Variants in NUMA1 observed in about 807,000 individuals in gnomAD.
NUMA1 encodes the protein nuclear mitotic apparatus protein 1.
NUMA1 carries 62 observed loss-of-function variants against 237.1 expected under a neutral mutation model. That is an observed-to-expected ratio of 0.26 (90% CI 0.21 to 0.32). The LOEUF (loss-of-function observed/expected upper bound fraction) is 0.32, where lower values mean the gene tolerates loss of function less well. Ranked by LOEUF, NUMA1 falls within the 10% of genes least tolerant of loss-of-function variation. The pLI, the probability that NUMA1 is intolerant of heterozygous loss-of-function variation, is 1.00. For synonymous variants in NUMA1, 1,028 were observed against 1,066.1 expected (o/e 0.96, Z 0.70); for missense variants, 2,533 against 2,666.5 (o/e 0.95, Z 1.10).
At chr11:72,066,435 T>G (rs1943203172) in intron 2 of NUMA1, 1 of 152,226 alleles carries the variant, frequency 6.6e-6, no homozygotes, top group African/African-American at 2.4e-5. Context: ...CTTAAGGTTC[T>G]CTAAGATCCA....
At chr11:72,061,141 G>A (rs1942916155) in intron 2 of NUMA1, among the ~76,000 whole-genome samples, 1 of 152,224 alleles carries the variant, frequency 6.6e-6, no homozygotes, top group Non-Finnish European at 1.5e-5. Flanking sequence ...GGAGGCTGAG[G>A]CAGGAGGACC....
chr11:72,051,410 C>A (rs1942353664), intron 2 of NUMA1, among the ~76,000 whole-genome samples: 2 of 151,892 alleles, frequency 1.3e-5, no homozygotes, highest in South Asian at 4.1e-4. Flanking sequence ...GAAATTTAAT[C>A]AGGGATATTC....
intron 9 of NUMA1, 68 bp downstream of exon 9, chr11:72,019,426 G>A (rs888525075): frequency 2.8e-5 from 45 of 1,580,440 alleles, no homozygotes; most frequent in Non-Finnish European, 3.7e-5. Context: ...CTTAACTCTA[G>A]AAGTTAGGAA....
At chr11:72,022,573 G>A (rs1230352215) in intron 6 of NUMA1, among the ~76,000 whole-genome samples, 154 bp from the exon 7 acceptor site, 6 of 116,144 alleles carry the variant, frequency 5.2e-5, no homozygotes, top group Non-Finnish European at 1.1e-4. Flanking sequence ...AACAGCTCCA[G>A]GAAACACTTT....
intron 2 of NUMA1, chr11:72,068,000 C>G (rs141346901): frequency 2.0e-5 from 3 of 152,232 alleles, no homozygotes; most frequent in African/African-American, 7.2e-5. Flanking sequence ...TTTTTCAAAC[C>G]CACAACTGCT....
Position 72,023,145 on chromosome 11 carries a change from T to C in NUMA1, c.211A>G (p.Asn71Asp). The change falls in exon 6 of 27, where the codon AAT (asparagine) becomes GAT (aspartate). Residue 71 changes from asparagine to aspartate, a missense_variant and splice_region_variant. Asn to Asp is a conservative substitution (Grantham distance 23). This residue lies in a region of NUMA1 where 1,414 missense variants were observed against 1,508.1 expected (regional missense o/e 0.94). Coordinates refer to ENST00000393695, the MANE Select transcript of NUMA1 (RefSeq NM_006185.4). ...LDFVCSFLQK[N>D]RKHPSSPECL... ...TCTGGGGAAGAGGGATGTTTTCGATTTTCTGCAATGACAACAACGTAGAAA... is the reference window on the plus strand; with the variant it reads ...TCTGGGGAAGAGGGATGTTTTCGATCTTCTGCAATGACAACAACGTAGAAA... The C allele has an allele frequency of 1.2e-6, 2 of 1,612,106 alleles. No individual in the cohort carries two copies. Among genetic ancestry groups the C allele is most frequent in the Non-Finnish European group, 1.7e-6 (2 of 1,178,504 alleles).
chr11:72,075,062 T>A (rs1029410812), intron 1 of NUMA1, among the ~76,000 whole-genome samples: 3 of 149,480 alleles, frequency 2.0e-5, no homozygotes, highest in African/African-American at 7.4e-5. Flanking sequence ...AATAAATAAA[T>A]AAAATAAAAA....
At chr11:72,075,650 A>C (rs1456145453) in intron 1 of NUMA1, among the ~76,000 whole-genome samples, 1 of 152,156 alleles carries the variant, frequency 6.6e-6, no homozygotes, top group East Asian at 1.9e-4. Context: ...TTATGCAGTT[A>C]TTATATTGAA....
At chr11:72,022,263 G>C in intron 7 of NUMA1, 76 bp downstream of exon 7, 2 of 932,630 alleles carry the variant, frequency 2.1e-6, no homozygotes, top group Non-Finnish European at 1.7e-6. Flanking sequence ...AGTATCTGCT[G>C]TTCAAAGAAA....
intron 20 of NUMA1, 114 bp downstream of exon 20, chr11:72,008,574 T>G: frequency 1.6e-6 from 2 of 1,276,634 alleles, no homozygotes; most frequent in Non-Finnish European, 2.3e-6. Context: ...CCGTTTTTCG[T>G]TATTCTTCTC....
Position 72,049,557 on chromosome 11 carries a change from A to AT in NUMA1, c.-32-13583_-32-13582insA, listed in dbSNP as rs57982819. On this transcript the variant is annotated intron_variant, in intron 2 of 26. Coordinates refer to ENST00000393695, the MANE Select transcript of NUMA1 (RefSeq NM_006185.4). ...GAACCTGTCTAAAAAAAAAAATAAT[A>AT]ATAATATATATATATATATATATAT... The AT allele has an allele frequency of 1.4e-3, 32 of 23,516 alleles. 1 individual carries two copies. Among genetic ancestry groups the AT allele is most frequent in the South Asian group, 7.0e-3 (6 of 862 alleles). 1.5% of individuals were successfully genotyped at this position (23,516 alleles called of 1,614,324 possible).
In NUMA1 at chr11:72,004,672, G is replaced by A. The variant is rs749336359; in HGVS notation, c.5974C>T (p.Leu1992=). 6.2e-7 allele frequency: 1 copy of A among 1,613,234 alleles called. No individual in the cohort carries two copies. The highest frequency in any genetic ancestry group is 1.3e-5 in the African/African-American group (1 of 75,004). Residue 1992 remains leucine (L), a synonymous_variant, in exon 24 of 27, where the codon CTA becomes TTA. Transcript: ENST00000393695. The part of the protein sequence containing the change: ...TTRQQRKRVS[L]EPHQGPGTPE... ...GTTCCAGGGCCCTGGTGGGGCTCTA[G>A]GGAGACCCGTTTGCGCTGCTGCCGG...
intron 3 of NUMA1, among the ~76,000 whole-genome samples, chr11:72,033,975 G>A (rs1302499574): frequency 6.6e-6 from 1 of 152,080 alleles, no homozygotes; most frequent in Non-Finnish European, 1.5e-5. Context: ...TTTAAAATTA[G>A]CATGGCATGT....
At chr11:72,023,773 G>A (rs1565233380) in intron 5 of NUMA1, among the ~76,000 whole-genome samples, 4 of 152,098 alleles carry the variant, frequency 2.6e-5, no homozygotes, top group East Asian at 3.9e-4. Context: ...TCCACTTGAA[G>A]AGCAGTTATC....
At chr11:72,057,224 T>C (rs914865431) in intron 2 of NUMA1, among the ~76,000 whole-genome samples, 4 of 152,208 alleles carry the variant, frequency 2.6e-5, no homozygotes, top group African/African-American at 7.2e-5. Flanking sequence ...AAAGCCTTCA[T>C]TTAAGTTATT....
At chr11:72,016,832 AT>A in intron 13 of NUMA1, 1 of 282,212 alleles carries the variant, frequency 3.5e-6, no homozygotes, top group Non-Finnish European at 6.7e-6. Context: ...TGAGTCCTAG[AT>A]TATCCAAATC....
Position 72,015,984 on chromosome 11 carries a change from G to A in NUMA1, c.1519C>T (p.Leu507Phe). ...TGGATGGTGGCATTGAGTGTGGTGA[G>A]CTCAGAGGTCAGAGAGGCCACCTGG... ...TAQVASLTSE[L>F]TTLNATIQQQ... Residue 507 changes from leucine (L) to phenylalanine (F), a missense_variant, in exon 15 of 27, where the codon CTC becomes TTC. Physicochemically the swap from Leu to Phe is conservative, Grantham distance 22. Coordinates refer to ENST00000393695, the MANE Select transcript of NUMA1 (RefSeq NM_006185.4). The surrounding 1 kb of genome is among the most constrained non-coding windows in gnomAD (Gnocchi z 4.0). 6.2e-7 allele frequency: 1 copy of A among 1,614,060 alleles called. No individual in the cohort carries two copies. The highest frequency in any genetic ancestry group is 1.1e-5 in the South Asian group (1 of 91,080).
In NUMA1 at chr11:72,021,690, C is replaced by T. The variant is rs80152919; in HGVS notation, c.373-399G>A. ...TGGCACAATCATAGCTCACTATAAC[C>T]TCCAACTCCTGGAGTCAACTCCTCC... On this transcript the variant is annotated intron_variant, in intron 7 of 26. Transcript: ENST00000393695. 2.0e-3 allele frequency among the ~76,000 whole-genome samples: 312 copies of T among 152,354 alleles called. 2 individuals carry two copies. Among genetic ancestry groups the T allele is most frequent in the African/African-American group, 7.2e-3 (298 of 41,570 alleles).
chr11:72,070,447 T>C (rs1943395583), intron 1 of NUMA1, among the ~76,000 whole-genome samples: 1 of 152,194 alleles, frequency 6.6e-6, no homozygotes. Flanking sequence ...CTTTTCTCAT[T>C]TCCCTGCTTT....
Sources: gnomAD v4.1 joint callset for allele counts (sites outside exome capture counted in the v4.1 genomes callset) on GRCh38, gnomAD v4.1.1 for gene constraint, gnomAD v4.1.1 regional missense constraint, Gnocchi (gnomAD v3.1) non-coding constraint, MANE v1.5 for transcripts, NCBI Gene and HGNC (gene_info 2026-07-23, HGNC 2026-07-21) for gene names.